KIAA0040: variants seen among roughly 807,000 people sequenced by gnomAD.
KIAA0040 encodes uncharacterized protein KIAA0040.
KIAA0040 carries 10 observed loss-of-function variants against 7.2 expected under a neutral mutation model. The ratio of observed to expected loss-of-function variants is 1.38; its 90% CI spans 0.85 to 2.34. The LOEUF is 2.34. Ranked by LOEUF, KIAA0040 falls within the 30% of genes most tolerant of loss-of-function variation. The pLI is 0.00. For synonymous variants in KIAA0040, 49 were observed against 40.1 expected (o/e 1.22, Z -0.84); for missense variants, 89 against 108.2 (o/e 0.82, Z 0.79).
chr1:175,175,168 T>C (rs1677137047), intron 2 of KIAA0040, among the ~76,000 whole-genome samples: 1 of 152,208 alleles, frequency 6.6e-6, no homozygotes, highest in South Asian at 2.1e-4. Context: ...AAAAATGTTT[T>C]TTGAAAAAGC....
At chr1:175,167,895 T>G (rs1181359279) in intron 2 of KIAA0040, among the ~76,000 whole-genome samples, 3 of 152,042 alleles carry the variant, frequency 2.0e-5, no homozygotes, top group African/African-American at 7.2e-5. Flanking sequence ...TATTCTTTTT[T>G]TTTTTCCTTT....
chr1:175,160,852 T>G lies in KIAA0040; in HGVS notation c.162A>C (p.Pro54=), dbSNP rs1676510756. 1 of 1,551,426 alleles carries G rather than the reference T, an allele frequency of 6.4e-7. No homozygotes were observed. Among genetic ancestry groups the G allele is most frequent in the Non-Finnish European group, 8.7e-7 (1 of 1,146,964 alleles). The change falls in exon 4 of 4, where the codon CCA becomes CCC. Residue 54 remains proline (P), a synonymous_variant. Transcript: ENST00000423313. ...LFICCHCCWS[P]PGKRGQQPEK... ...CTGGCTGCTGGCCCCTCTTGCCTGG[T>G]GGGCTCCAGCAGCAATGGCAACAGA...
At chr1:175,164,247 C>T (rs997899913) in intron 3 of KIAA0040, among the ~76,000 whole-genome samples, 16 of 152,184 alleles carry the variant, frequency 1.1e-4, no homozygotes, top group Non-Finnish European at 7.3e-5. Flanking sequence ...TTTAAATCTC[C>T]TTATCCGTTT....
At chr1:175,192,864 C>G (rs967591472), upstream of KIAA0040, 2 of 150,978 alleles carry the variant, frequency 1.3e-5, no homozygotes, top group African/African-American at 4.9e-5. Context: ...GCGTACCTGC[C>G]GCTGCCGCCG....
At chr1:175,173,506 C>T (rs927096907) in intron 2 of KIAA0040, among the ~76,000 whole-genome samples, 7 of 152,170 alleles carry the variant, frequency 4.6e-5, no homozygotes, top group East Asian at 1.9e-4. Context: ...TTAAGTGATT[C>T]GCCCAAAGAC....
At chr1:175,165,768 G>A (rs1305733886) in intron 3 of KIAA0040, among the ~76,000 whole-genome samples, 1 of 152,202 alleles carries the variant, frequency 6.6e-6, no homozygotes, top group African/African-American at 2.4e-5. Context: ...ATTCCACAGG[G>A]AGGTCTGCTT....
At chr1:175,182,874 A>G (rs1677492972) in intron 1 of KIAA0040, among the ~76,000 whole-genome samples, 2 of 152,214 alleles carry the variant, frequency 1.3e-5, no homozygotes, top group Admixed American at 1.3e-4. Context: ...TTCACCTGTC[A>G]GGCACCCTGT....
intron 2 of KIAA0040, among the ~76,000 whole-genome samples, chr1:175,168,397 C>A (rs1163067186): frequency 2.0e-5 from 3 of 152,118 alleles, no homozygotes; most frequent in South Asian, 4.2e-4. Flanking sequence ...CTTTTCCCCC[C>A]AGAGTATATA....
At chr1:175,180,641 C>G (rs932134525) in intron 1 of KIAA0040, among the ~76,000 whole-genome samples, 11 of 151,424 alleles carry the variant, frequency 7.3e-5, no homozygotes, top group Admixed American at 2.6e-4. Flanking sequence ...AGACTGGCTA[C>G]TTTTTAATCT....
intron 2 of KIAA0040, among the ~76,000 whole-genome samples, chr1:175,167,083 G>A (rs146368411): frequency 1.3e-5 from 2 of 152,228 alleles, no homozygotes; most frequent in African/African-American, 4.8e-5. Flanking sequence ...TGAGTGCCAC[G>A]AACAAGACCC....
chr1:175,177,625 T>C lies in KIAA0040; in HGVS notation c.-324A>G, dbSNP rs1057158487. Reference sequence around the variant, plus strand: ...TTACAACTCACTCAGTGTGTGTCCTTGGGAAGGTCACTCAGCTGCTTTGAG... The same window carrying C: ...TTACAACTCACTCAGTGTGTGTCCTCGGGAAGGTCACTCAGCTGCTTTGAG... On this transcript the variant is annotated 5_prime_UTR_variant, in exon 2 of 4. Coordinates refer to ENST00000423313, the MANE Select transcript of KIAA0040 (RefSeq NM_014656.3). The C allele has an allele frequency of 6.6e-6, 1 of 152,224 alleles. No individual in the cohort carries two copies. The highest frequency in any genetic ancestry group is 1.5e-5 in the Non-Finnish European group (1 of 68,032). 9.4% of individuals were successfully genotyped at this position (152,224 alleles called of 1,614,324 possible). A position where few individuals can be genotyped will look rare whatever the true frequency, so the allele number is the denominator to read the frequency against.
At position 175,157,066 on chromosome 1, in the gene KIAA0040, T is replaced by C. The variant is rs1202201379; in HGVS notation, c.*3648A>G. On this transcript the variant is annotated 3_prime_UTR_variant, in exon 4 of 4. Coordinates refer to ENST00000423313, the MANE Select transcript of KIAA0040 (RefSeq NM_014656.3). ...TGGCTATTGGTACCATATTGAACCA[T>C]ATTGAACAGTGTACACACACTTACA... The C allele has an allele frequency of 1.3e-5, 2 of 151,810 alleles. No homozygotes were observed. The highest frequency in any genetic ancestry group is 2.4e-5 in the African/African-American group (1 of 41,284). The allele number at this position is 151,810 out of a possible 1,614,324, so 9.4% of individuals were successfully genotyped here.
intron 2 of KIAA0040, among the ~76,000 whole-genome samples, chr1:175,171,686 G>A (rs144371213): frequency 3.4e-3 from 515 of 152,320 alleles, no homozygotes; most frequent in Non-Finnish European, 5.3e-3. Flanking sequence ...GTGGGGGCAG[G>A]GGTGAGTGTT....
intron 1 of KIAA0040, among the ~76,000 whole-genome samples, chr1:175,190,624 A>T (rs1214191081): frequency 6.6e-6 from 1 of 152,108 alleles, no homozygotes; most frequent in Non-Finnish European, 1.5e-5. Context: ...CTCCTTTACC[A>T]CATTCACTTG....
At chr1:175,188,295 C>T (rs942207817) in intron 1 of KIAA0040, among the ~76,000 whole-genome samples, 1 of 152,188 alleles carries the variant, frequency 6.6e-6, no homozygotes, top group Non-Finnish European at 1.5e-5. Flanking sequence ...TAAATGTCCA[C>T]TCATGTCCCC....
chr1:175,189,638 G>A (rs1030751803), intron 1 of KIAA0040, among the ~76,000 whole-genome samples: 1 of 152,190 alleles, frequency 6.6e-6, no homozygotes, highest in African/African-American at 2.4e-5. Flanking sequence ...TGAAGATGCT[G>A]CCCAGAGCTT....
At chr1:175,184,876 C>T (rs1677594327) in intron 1 of KIAA0040, among the ~76,000 whole-genome samples, 1 of 152,194 alleles carries the variant, frequency 6.6e-6, no homozygotes, top group Non-Finnish European at 1.5e-5. Flanking sequence ...GTTATAACTG[C>T]CTCTTGACCT....
chr1:175,175,295 T>A (rs1314874050), intron 2 of KIAA0040, among the ~76,000 whole-genome samples: 1 of 151,958 alleles, frequency 6.6e-6, no homozygotes, highest in East Asian at 1.9e-4. Flanking sequence ...TCACTGGCCA[T>A]CAGAGAAATG....
At chr1:175,189,506 A>T (rs1677789550) in intron 1 of KIAA0040, among the ~76,000 whole-genome samples, 1 of 152,290 alleles carries the variant, frequency 6.6e-6, no homozygotes, top group South Asian at 2.1e-4. Flanking sequence ...TTGGGCTCTG[A>T]CCATTTTAGC....
Sources: allele counts gnomAD v4.1 joint callset (sites outside exome capture counted in the v4.1 genomes callset), GRCh38; gene constraint gnomAD v4.1.1; transcripts MANE v1.5; gene names NCBI Gene and HGNC (gene_info 2026-07-23, HGNC 2026-07-21).